PRKCH: variants seen among roughly 807,000 people sequenced by gnomAD.
PRKCH encodes the protein protein kinase C eta type.
PRKCH carries 28 observed loss-of-function variants against 82.5 expected under a neutral mutation model. The ratio of observed to expected loss-of-function variants is 0.34; its 90% CI spans 0.25 to 0.47. The LOEUF (loss-of-function observed/expected upper bound fraction) is 0.47. Ranked by LOEUF, PRKCH falls within the 20% of genes least tolerant of loss-of-function variation. The probability of loss-of-function intolerance (pLI) is 1.00; values close to 1 mark genes in which losing one functional copy is unlikely to be tolerated. For missense variants in PRKCH, 705 were observed against 881.8 expected, an observed-to-expected ratio of 0.80 and a Z score of 2.54; for synonymous variants, 322 against 327.4, an observed-to-expected ratio of 0.98 and a Z score of 0.18.
intron 1 of PRKCH, among the ~76,000 whole-genome samples, chr14:61,254,504 T>G (rs776002581): frequency 2.6e-5 from 4 of 152,094 alleles, no homozygotes; most frequent in African/African-American, 7.2e-5. Flanking sequence ...TAGTCCCAGC[T>G]ACTCGGGAGG....
intron 1 of PRKCH, chr14:61,303,767 T>G (rs1364338579): frequency 6.6e-6 from 1 of 151,844 alleles, no homozygotes; most frequent in African/African-American, 2.4e-5. Context: ...CATTTCCTCC[T>G]TCATGGCTTT....
intron 1 of PRKCH, among the ~76,000 whole-genome samples, chr14:61,331,933 T>C (rs1432018315): frequency 1.3e-5 from 2 of 152,202 alleles, no homozygotes; most frequent in African/African-American, 4.8e-5. Flanking sequence ...GCTAGTGATG[T>C]TGGTATTATT....
intron 10 of PRKCH, among the ~76,000 whole-genome samples, chr14:61,496,221 T>C (rs1326918533): frequency 6.6e-6 from 1 of 152,252 alleles, no homozygotes; most frequent in Non-Finnish European, 1.5e-5. Context: ...TAAACTCCTC[T>C]GTTTAATTGT....
At chr14:61,393,005 C>T (rs765861174) in intron 2 of PRKCH, among the ~76,000 whole-genome samples, 1 of 152,094 alleles carries the variant, frequency 6.6e-6, no homozygotes, top group Non-Finnish European at 1.5e-5. Flanking sequence ...TCTCCCCTGG[C>T]CCCTTGAATC....
chr14:61,247,192 T>C (rs2044892800), intron 1 of PRKCH, among the ~76,000 whole-genome samples: 2 of 152,092 alleles, frequency 1.3e-5, no homozygotes. Context: ...CAAAAATATA[T>C]GATAAACTAA....
rs1297799647 is a variant in PRKCH at position 61,262,219 on chromosome 14, TA to T, written c.-19+74564del. Among the ~76,000 whole-genome samples, 244 of 106,342 alleles carry T rather than the reference TA, an allele frequency of 2.3e-3. 5 individuals carry two copies. In the East Asian group the frequency reaches 0.025, roughly 11 times the overall value. 69.8% of individuals were successfully genotyped at this position (106,342 alleles called of 152,430 possible). On this transcript the variant is annotated intron_variant, in intron 1 of 3. Coordinates refer to the PRKCH transcript ENST00000555185. ...CTCAGTGACAGAGTGAGACTCTGTATAAAAAAAAAAAAAGAATATTCAGAGC... is the reference window on the plus strand; with the variant it reads ...CTCAGTGACAGAGTGAGACTCTGTATAAAAAAAAAAAAGAATATTCAGAGC...
At chr14:61,249,019 C>G (rs1305454121) in intron 1 of PRKCH, among the ~76,000 whole-genome samples, 1 of 152,108 alleles carries the variant, frequency 6.6e-6, no homozygotes, top group Non-Finnish European at 1.5e-5. Flanking sequence ...CCTGGCTGGT[C>G]TGAAACTCCT....
At chr14:61,481,523 A>T (rs1885969506) in intron 9 of PRKCH, among the ~76,000 whole-genome samples, 1 of 152,178 alleles carries the variant, frequency 6.6e-6, no homozygotes. Context: ...AAACAGCCTC[A>T]CAACTGTGTC....
intron 10 of PRKCH, among the ~76,000 whole-genome samples, chr14:61,524,534 T>C (rs922165759): frequency 6.6e-6 from 1 of 152,236 alleles, no homozygotes; most frequent in African/African-American, 2.4e-5. Context: ...CTGAGTTACA[T>C]GTTGGCATAG....
At chr14:61,465,703 G>A (rs968370537) in intron 9 of PRKCH, among the ~76,000 whole-genome samples, 13 of 152,178 alleles carry the variant, frequency 8.5e-5, no homozygotes, top group African/African-American at 2.4e-4. Flanking sequence ...CTTTGATGTC[G>A]TGCATTATTT....
chr14:61,411,575 A>G (rs1293973424), intron 2 of PRKCH, among the ~76,000 whole-genome samples: 7 of 152,246 alleles, frequency 4.6e-5, no homozygotes, highest in Admixed American at 2.0e-4. Flanking sequence ...GAGAGATAGG[A>G]AACAAATGAG....
intron 1 of PRKCH, among the ~76,000 whole-genome samples, chr14:61,310,476 T>TC (rs1438867611): frequency 1.3e-5 from 2 of 152,208 alleles, no homozygotes; most frequent in African/African-American, 4.8e-5. Flanking sequence ...CTCCTTTGAC[T>TC]CCATGTCTCA....
At chr14:61,308,574 C>T (rs1244033531) in intron 1 of PRKCH, among the ~76,000 whole-genome samples, 3 of 152,106 alleles carry the variant, frequency 2.0e-5, no homozygotes, top group African/African-American at 7.2e-5. Flanking sequence ...TTTCTTGCTA[C>T]TTGTGTTATT....
At chr14:61,275,662 T>C (rs2045195502) in intron 1 of PRKCH, among the ~76,000 whole-genome samples, 1 of 152,212 alleles carries the variant, frequency 6.6e-6, no homozygotes, top group South Asian at 2.1e-4. Context: ...TGAGTCCTGG[T>C]GGTGAGCCAT....
intron 1 of PRKCH, chr14:61,279,211 C>T (rs1170156914): frequency 6.6e-6 from 1 of 152,196 alleles, no homozygotes; most frequent in African/African-American, 2.4e-5. Flanking sequence ...ACTAAAATAT[C>T]AAATGAATCA....
intron 1 of PRKCH, among the ~76,000 whole-genome samples, chr14:61,324,502 A>G (rs974228208): frequency 1.3e-5 from 2 of 152,094 alleles, no homozygotes; most frequent in South Asian, 2.1e-4. Flanking sequence ...AACTGTAAGG[A>G]TATGGAACAT....
At chr14:61,362,340 T>TAAAAAAAAA (rs10591516) in intron 1 of PRKCH, among the ~76,000 whole-genome samples, 1 of 125,524 alleles carries the variant, frequency 8.0e-6, no homozygotes. Context: ...CATCTTGTCT[T>TAAAAAAAAA]AAAAAAAAAA....
At chr14:61,233,927 T>C (rs2044765935) in intron 1 of PRKCH, among the ~76,000 whole-genome samples, 1 of 152,216 alleles carries the variant, frequency 6.6e-6, no homozygotes, top group South Asian at 2.1e-4. Context: ...CCATAACCCA[T>C]TTATTTATTC....
At chr14:61,505,556 G>C (rs1229179781) in intron 10 of PRKCH, among the ~76,000 whole-genome samples, 2 of 151,654 alleles carry the variant, frequency 1.3e-5, no homozygotes, top group Non-Finnish European at 2.9e-5. Context: ...TGTATTTTTA[G>C]TAGAGATGGG....
Sources: allele counts gnomAD v4.1 joint callset (sites outside exome capture counted in the v4.1 genomes callset), GRCh38; gene constraint gnomAD v4.1.1; transcripts MANE v1.5; gene names NCBI Gene and HGNC (gene_info 2026-07-23, HGNC 2026-07-21).